PRIMA1: variants seen among roughly 807,000 people sequenced by gnomAD.
The protein encoded by PRIMA1 is proline-rich membrane anchor 1.
Under a neutral mutation model 17.5 loss-of-function variants are expected in PRIMA1, and 7 were observed. That is an observed-to-expected ratio of 0.40 (90% CI 0.23 to 0.75). The LOEUF is 0.75. PRIMA1 is among the 30% of genes least tolerant of loss of function. The pLI, the probability that PRIMA1 is intolerant of heterozygous loss-of-function variation, is 0.37. For missense variants in PRIMA1, 200 were observed against 201.8 expected (o/e 0.99, Z 0.05); for synonymous variants, 97 against 77.9 (o/e 1.25, Z -1.29).
At chr14:93,775,468 T>C (rs1885186959) in intron 3 of PRIMA1, among the ~76,000 whole-genome samples, 1 of 152,176 alleles carries the variant, frequency 6.6e-6, no homozygotes, top group African/African-American at 2.4e-5. Context: ...TAGCAGGCAC[T>C]TGTTTTTTTT....
At chr14:93,725,712 C>A (rs1301635388) in intron 4 of PRIMA1, 3 of 336,326 alleles carry the variant, frequency 8.9e-6, no homozygotes, top group South Asian at 7.2e-5. Flanking sequence ...AAGCGTCTGG[C>A]ATACCGTAAG....
rs141550395 is a variant in PRIMA1 at position 93,746,173 on chromosome 14, G to A, written c.230-8803C>T. 1.2e-4 allele frequency among the ~76,000 whole-genome samples: 19 copies of A among 152,216 alleles called. No homozygotes were observed. The East Asian group carries it at 1.9e-3, about 16-fold the overall frequency. ...TTGGTTTAGAGGTCATAGAGTTCCC[G>A]CAAGGACAGGAGAGGAAAAGTCTGC... is the stretch of plus-strand genomic sequence containing the variant. On this transcript the variant is annotated intron_variant, in intron 3 of 4. Transcript: ENST00000393140.
chr14:93,778,028 C>T (rs886467826), intron 3 of PRIMA1, among the ~76,000 whole-genome samples: 4 of 152,150 alleles, frequency 2.6e-5, no homozygotes, highest in African/African-American at 9.7e-5. Flanking sequence ...GAGAGGAGGC[C>T]AGTGAGCATC....
Position 93,772,412 on chromosome 14 carries a change from C to T in PRIMA1, c.229+6764G>A, listed in dbSNP as rs968839081. Among the ~76,000 whole-genome samples, 13 of 152,380 alleles carry T rather than the reference C, an allele frequency of 8.5e-5. 1 individual carries two copies. In the Middle Eastern group the frequency reaches 0.014, roughly 159 times the overall value. On this transcript the variant is annotated intron_variant, in intron 3 of 4. Coordinates refer to ENST00000393140, the MANE Select transcript of PRIMA1 (RefSeq NM_178013.4). ...GTTCTGCCACAGCTATTTTTGGCCC[C>T]GTCAGCCTTGGAAGCAGGTCTCACA...
At chr14:93,785,010 A>T (rs542639304) in intron 2 of PRIMA1, among the ~76,000 whole-genome samples, 6 of 152,188 alleles carry the variant, frequency 3.9e-5, no homozygotes, top group Non-Finnish European at 1.5e-5. Flanking sequence ...TCATCAGCAC[A>T]CAGAGACCCA....
At chr14:93,776,370 T>A (rs1265224460) in intron 3 of PRIMA1, among the ~76,000 whole-genome samples, 1 of 152,160 alleles carries the variant, frequency 6.6e-6, no homozygotes, top group Non-Finnish European at 1.5e-5. Context: ...AAGAAGCACC[T>A]TCAGTCCCAA....
intron 3 of PRIMA1, among the ~76,000 whole-genome samples, chr14:93,771,020 C>T (rs1038603009): frequency 6.6e-6 from 1 of 151,666 alleles, no homozygotes; most frequent in Non-Finnish European, 1.5e-5. Flanking sequence ...GGAATAACTG[C>T]TACAAAAGAA....
At chr14:93,763,810 C>A (rs1267878935) in intron 3 of PRIMA1, among the ~76,000 whole-genome samples, 1 of 152,152 alleles carries the variant, frequency 6.6e-6, no homozygotes, top group Non-Finnish European at 1.5e-5. Flanking sequence ...CCCACGCTCT[C>A]CCCAGTGATC....
chr14:93,784,911 C>T (rs886887427), intron 2 of PRIMA1, among the ~76,000 whole-genome samples: 2 of 152,156 alleles, frequency 1.3e-5, no homozygotes, highest in Non-Finnish European at 2.9e-5. Context: ...ATACAGTAGG[C>T]GCCCAATAAA....
At chr14:93,745,185 C>G (rs544402847) in intron 3 of PRIMA1, among the ~76,000 whole-genome samples, 2 of 152,308 alleles carry the variant, frequency 1.3e-5, no homozygotes, top group East Asian at 1.9e-4. Flanking sequence ...GCACGTCCCC[C>G]CTCTCACCCA....
rs775353552 is a variant in PRIMA1, at chr14:93,721,490, G to A, written c.416C>T (p.Ala139Val). 6.2e-6 allele frequency: 10 copies of A among 1,613,758 alleles called. No individual in the cohort carries two copies. The African/African-American group carries it at 1.1e-4, about 17-fold the overall frequency. The stretch of plus-strand genomic sequence containing the variant: ...GTCTACTCCTTTGTTGCTCTGCGAA[G>A]CACTCATGGGATACTCAGCAACGCT... ...GTSVAEYPMSASQSNKGVDVN... is the reference protein window; with the variant it reads ...GTSVAEYPMSVSQSNKGVDVN... Residue 139 changes from alanine (A) to valine (V), a missense_variant, in exon 5 of 5, where the codon GCT (alanine) becomes GTT (valine). Coordinates refer to ENST00000393140, the MANE Select transcript of PRIMA1 (RefSeq NM_178013.4).
At position 93,726,108 on chromosome 14, in the gene PRIMA1, GC is replaced by G. The variant is rs1419578167; in HGVS notation, c.360-4563del. The G allele has an allele frequency of 3.1e-5, 14 of 454,540 alleles. No individual in the cohort carries two copies. Among genetic ancestry groups the G allele is most frequent in the Non-Finnish European group, 4.4e-6 (1 of 226,056 alleles). 28.2% of individuals were successfully genotyped at this position (454,540 alleles called of 1,614,324 possible). A position where few individuals can be genotyped will look rare whatever the true frequency, so the allele number is the denominator to read the frequency against. On this transcript the variant is annotated intron_variant, in intron 4 of 4. Coordinates refer to ENST00000393140, the MANE Select transcript of PRIMA1 (RefSeq NM_178013.4). The surrounding 1 kb of genome is among the most constrained non-coding windows in gnomAD (Gnocchi z 4.2). ...GCCACCTTCAGACTTCTTGTCCCCT[GC>G]CCTGGGCTTGGAGGGCAGCAGGCTC...
At position 93,721,349 on chromosome 14, in the gene PRIMA1, G is replaced by C; in HGVS notation, c.*95C>G. On this transcript the variant is annotated 3_prime_UTR_variant, in exon 5 of 5. Transcript: ENST00000393140. Reference sequence around the variant, plus strand: ...GGGCCTGTGAGGCAATGAAGTCCTGGACAAGCTCAGGGTTAGCTCATGTCC... The same window carrying C: ...GGGCCTGTGAGGCAATGAAGTCCTGCACAAGCTCAGGGTTAGCTCATGTCC... 1.3e-6 allele frequency: 1 copy of C among 762,122 alleles called. No individual in the cohort carries two copies. The allele number at this position is 762,122 out of a possible 1,614,324, so 47.2% of individuals were successfully genotyped here.
rs1270897855 is a variant in PRIMA1 at position 93,782,229 on chromosome 14, C to CCGCA, written c.94-2922_94-2919dup. Among the ~76,000 whole-genome samples the CCGCA allele has an allele frequency of 3.9e-5, 6 of 152,280 alleles. No homozygotes were observed. In the East Asian group the frequency reaches 7.7e-4, roughly 20 times the overall value. On this transcript the variant is annotated intron_variant, in intron 2 of 4. Coordinates refer to ENST00000393140, the MANE Select transcript of PRIMA1 (RefSeq NM_178013.4). ...CTTGCAGTGAGCTGAGATCATGCTA[C>CCGCA]CGCACTCCAGCCTGGGCGACAGAGC... is the stretch of plus-strand genomic sequence containing the variant.
At chr14:93,734,242 A>G (rs1467402800) in intron 4 of PRIMA1, among the ~76,000 whole-genome samples, 2 of 152,190 alleles carry the variant, frequency 1.3e-5, no homozygotes, top group East Asian at 1.9e-4. Flanking sequence ...TTACACCCCA[A>G]CTGCCTGCTT....
chr14:93,779,936 G>A (rs1276223057), intron 2 of PRIMA1, among the ~76,000 whole-genome samples: 3 of 152,210 alleles, frequency 2.0e-5, no homozygotes, highest in Admixed American at 6.5e-5. Context: ...CTTGTGGGAA[G>A]GGCACCCCTC....
Position 93,720,411 on chromosome 14 carries a change from C to T in PRIMA1, c.*1033G>A, listed in dbSNP as rs866676092. The T allele has an allele frequency of 1.3e-5, 2 of 152,512 alleles. No individual in the cohort carries two copies. Among genetic ancestry groups the T allele is most frequent in the African/African-American group, 4.8e-5 (2 of 41,474 alleles). 9.4% of individuals were successfully genotyped at this position (152,512 alleles called of 1,614,324 possible). On this transcript the variant is annotated 3_prime_UTR_variant, in exon 5 of 5. Coordinates refer to ENST00000393140, the MANE Select transcript of PRIMA1 (RefSeq NM_178013.4). ...TGAAAGGAAGACCCTGGAAGAACAA[C>T]ACCTCCTTCTTGGCGACTGGGGCTC...
At position 93,739,010 on chromosome 14, in the gene PRIMA1, G is replaced by A. The variant is rs534338691; in HGVS notation, c.230-1640C>T. ...CAGCTCCTTCCTTTGTTGCTGAATA[G>A]TATTTCTTTATATGAACATATCACA... is the stretch of plus-strand genomic sequence containing the variant. On this transcript the variant is annotated intron_variant, in intron 3 of 4. Coordinates refer to ENST00000393140, the MANE Select transcript of PRIMA1 (RefSeq NM_178013.4). Among the ~76,000 whole-genome samples the A allele has an allele frequency of 4.6e-5, 7 of 151,734 alleles. No individual in the cohort carries two copies. In the South Asian group the frequency reaches 1.5e-3, roughly 32 times the overall value.
chr14:93,752,219 C>T (rs992818297), intron 3 of PRIMA1, among the ~76,000 whole-genome samples: 2 of 152,196 alleles, frequency 1.3e-5, no homozygotes, highest in Admixed American at 6.5e-5. Flanking sequence ...ATCCCTCCCC[C>T]TCAAACAGGC....
Sources: allele counts gnomAD v4.1 joint callset (sites outside exome capture counted in the v4.1 genomes callset), GRCh38; gene constraint gnomAD v4.1.1; non-coding constraint Gnocchi (gnomAD v3.1); transcripts MANE v1.5; gene names NCBI Gene and HGNC (gene_info 2026-07-23, HGNC 2026-07-21).